The following EXOSC3 variants were observed in gnomAD, a reference collection of about 807,000 sequenced individuals.
EXOSC3 encodes the protein exosome complex component RRP40.
A neutral mutation model predicts 25.1 loss-of-function variants in EXOSC3; 18 were observed. That is an observed-to-expected ratio of 0.72 (90% CI 0.50 to 1.06). The LOEUF (loss-of-function observed/expected upper bound fraction) is 1.06. EXOSC3 is among the 50% of genes least tolerant of loss of function. EXOSC3 has a pLI of 0.00. For missense variants in EXOSC3, 382 were observed against 350.9 expected (o/e 1.09, Z -0.71); for synonymous variants, 165 against 132.2 (o/e 1.25, Z -1.70).
At chr9:37,783,838 A>C in intron 2 of EXOSC3, 76 bp downstream of exon 2, 1 of 1,493,974 alleles carries the variant, frequency 6.7e-7, no homozygotes, top group Non-Finnish European at 9.0e-7. Context: ...GAGACAATTC[A>C]GATAGCCTTC....
At position 37,785,015 on chromosome 9, in the gene EXOSC3, T is replaced by G. The variant is rs1268653989; in HGVS notation, c.30A>C (p.Glu10Asp). Residue 10 changes from glutamate to aspartate, a missense_variant, in exon 1 of 4, where the codon GAA becomes GAC. Physicochemically the swap from Glu to Asp is conservative, Grantham distance 45. Coordinates refer to ENST00000327304, the MANE Select transcript of EXOSC3 (RefSeq NM_016042.4). MAEPASVAA[E>D]SLAGSRARAA... is the part of the protein sequence containing the mutation. ...CGCGCGCCCTGCTGCCCGCGAGAGATTCAGCCGCGACAGACGCAGGTTCGG... is the reference window on the plus strand; with the variant it reads ...CGCGCGCCCTGCTGCCCGCGAGAGAGTCAGCCGCGACAGACGCAGGTTCGG... 4.4e-6 allele frequency: 7 copies of G among 1,602,088 alleles called. No individual in the cohort carries two copies. Among genetic ancestry groups the G allele is most frequent in the Non-Finnish European group, 1.7e-6 (2 of 1,172,486 alleles).
intron 2 of EXOSC3, 84 bp downstream of exon 2, chr9:37,783,830 G>A (rs1589060746): frequency 2.1e-6 from 3 of 1,453,580 alleles, no homozygotes; most frequent in East Asian, 2.4e-5. Context: ...ATGCTTTGGA[G>A]ACAATTCAGA....
At chr9:37,781,793 C>T (rs1828602293) in intron 3 of EXOSC3, 193 bp downstream of exon 3, 1 of 620,568 alleles carries the variant, frequency 1.6e-6, no homozygotes, top group African/African-American at 1.9e-5. Flanking sequence ...CAGCCAAACA[C>T]ATCTGAATTT....
chr9:37,783,582 C>T (rs1828639312), intron 2 of EXOSC3, among the ~76,000 whole-genome samples: 1 of 152,152 alleles, frequency 6.6e-6, no homozygotes, highest in African/African-American at 2.4e-5. Context: ...CCTGTCCCTC[C>T]TCTAAGCCTA....
chr9:37,784,077 CAG>C lies in EXOSC3; in HGVS notation c.325-16_325-15del, dbSNP rs1564015122. 3.8e-6 allele frequency: 6 copies of C among 1,595,812 alleles called. No homozygotes were observed. Among genetic ancestry groups the C allele is most frequent in the Admixed American group, 3.5e-5 (2 of 56,522 alleles). ...TACTGGAACATACTACAAAAAGAAACAGAATGAAAAAACAGCCATAAATGACA... is the reference window on the plus strand; with the variant it reads ...TACTGGAACATACTACAAAAAGAAACAATGAAAAAACAGCCATAAATGACA... On this transcript the variant is annotated splice_polypyrimidine_tract_variant and intron_variant, in intron 1 of 3. Transcript: ENST00000327304.
In EXOSC3 at chr9:37,783,983, C is replaced by A. The variant is rs1828647334; in HGVS notation, c.405G>T (p.Gly135=). The change falls in exon 2 of 4, where the codon GGG becomes GGT. Residue 135 remains glycine (G), a synonymous_variant. Transcript: ENST00000327304. ...AGTAAGACAAAGAAGCTGGCTCACT[C>A]CCTCCAACATCAACTTTGAATATAT... is the stretch of plus-strand genomic sequence containing the variant. ...SGDIFKVDVG[G]SEPASLSYLS... The A allele has an allele frequency of 9.9e-6, 16 of 1,613,898 alleles. No individual in the cohort carries two copies. The highest frequency in any genetic ancestry group is 1.3e-5 in the African/African-American group (1 of 74,930).
intron 2 of EXOSC3, 42 bp from the exon 3 acceptor site, chr9:37,782,179 C>T: frequency 6.2e-7 from 1 of 1,604,632 alleles, no homozygotes; most frequent in Non-Finnish European, 8.5e-7. Flanking sequence ...TCTCAGCAAA[C>T]TACAGGTGCT....
rs913236797 is a variant in EXOSC3 at position 37,780,125 on chromosome 9, G to A, written c.*554C>T. ...GCTATAATAACTATAATTTCAATTTGATGAATATAGAGAATGTAGGCCAAG... is the reference window on the plus strand; with the variant it reads ...GCTATAATAACTATAATTTCAATTTAATGAATATAGAGAATGTAGGCCAAG... On this transcript the variant is annotated 3_prime_UTR_variant, in exon 4 of 4. Transcript: ENST00000327304. The A allele has an allele frequency of 3.3e-5, 5 of 152,580 alleles. No homozygotes were observed. Among genetic ancestry groups the A allele is most frequent in the Admixed American group, 2.0e-4 (3 of 15,308 alleles). The allele number at this position is 152,580 out of a possible 1,614,324, so 9.5% of individuals were successfully genotyped here.
intron 2 of EXOSC3, among the ~76,000 whole-genome samples, chr9:37,783,612 G>C (rs1185846881): frequency 1.3e-5 from 2 of 152,142 alleles, no homozygotes; most frequent in Non-Finnish European, 2.9e-5. Flanking sequence ...TCCTTGTCCA[G>C]AGGATATGGA....
Position 37,785,064 on chromosome 9 carries a change from C to T in EXOSC3, c.-20G>A, listed in dbSNP as rs980351214. 3 of 1,577,402 alleles carry T rather than the reference C, an allele frequency of 1.9e-6. No homozygotes were observed. Among genetic ancestry groups the T allele is most frequent in the Non-Finnish European group, 1.7e-6 (2 of 1,160,446 alleles). ...GGCCATCGCGGGCTCCACCAAACAC[C>T]GTTTCCGGTACCCGCCTTCCGCTTC... is the stretch of plus-strand genomic sequence containing the variant. On this transcript the variant is annotated 5_prime_UTR_variant, in exon 1 of 4. Coordinates refer to ENST00000327304, the MANE Select transcript of EXOSC3 (RefSeq NM_016042.4).
At chr9:37,784,207 C>G (rs778399302) in intron 1 of EXOSC3, 144 bp from the exon 2 acceptor site, 5 of 892,008 alleles carry the variant, frequency 5.6e-6, no homozygotes, top group Non-Finnish European at 8.2e-6. Flanking sequence ...AAAATCACTT[C>G]ATAAAGTGCC....
Position 37,780,436 on chromosome 9 carries a change from C to T in EXOSC3, c.*243G>A, listed in dbSNP as rs2118974729. ...CTGTAGCAATTACTAAGGGAGTTAACTCCAAATAAACCCTAATACTGTTTT... is the reference window on the plus strand; with the variant it reads ...CTGTAGCAATTACTAAGGGAGTTAATTCCAAATAAACCCTAATACTGTTTT... On this transcript the variant is annotated 3_prime_UTR_variant, in exon 4 of 4. Transcript: ENST00000327304. The T allele has an allele frequency of 2.4e-6, 1 of 421,926 alleles. No homozygotes were observed. The highest frequency in any genetic ancestry group is 2.0e-5 in the African/African-American group (1 of 49,038). The allele number at this position is 421,926 out of a possible 1,614,324, so 26.1% of individuals were successfully genotyped here. A position where few individuals can be genotyped will look rare whatever the true frequency, so the allele number is the denominator to read the frequency against.
At chr9:37,782,928 G>A (rs10973541) in intron 2 of EXOSC3, among the ~76,000 whole-genome samples, 82,047 of 152,014 alleles carry the variant, frequency 0.54, 22,223 homozygotes, top group African/African-American at 0.6. Context: ...GAGAAAAGTG[G>A]CAACTAGAGA....
At chr9:37,782,875 CCTCAGTCAAGG>C (rs1400239454) in intron 2 of EXOSC3, among the ~76,000 whole-genome samples, 1 of 152,180 alleles carries the variant, frequency 6.6e-6, no homozygotes, top group African/African-American at 2.4e-5. Flanking sequence ...TATAAACAAA[CCTCAGTCAAGG>C]CTCAATCCAG....
At position 37,780,626 on chromosome 9, in the gene EXOSC3, G is replaced by A; in HGVS notation, c.*53C>T. The A allele has an allele frequency of 6.8e-7, 1 of 1,469,704 alleles. No homozygotes were observed. Among genetic ancestry groups the A allele is most frequent in the Non-Finnish European group, 9.5e-7 (1 of 1,055,572 alleles). 91.0% of individuals were successfully genotyped at this position (1,469,704 alleles called of 1,614,324 possible). ...GTATTTAAATGGGGGAGGTTCACCTGAAAAAACCCATAGTTTTTTGCCTCA... is the reference window on the plus strand; with the variant it reads ...GTATTTAAATGGGGGAGGTTCACCTAAAAAAACCCATAGTTTTTTGCCTCA... On this transcript the variant is annotated 3_prime_UTR_variant, in exon 4 of 4. Coordinates refer to ENST00000327304, the MANE Select transcript of EXOSC3 (RefSeq NM_016042.4).
chr9:37,784,942 G>A lies in EXOSC3; in HGVS notation c.103C>T (p.Leu35Phe). 1.2e-6 allele frequency: 2 copies of A among 1,612,134 alleles called. No homozygotes were observed. The highest frequency in any genetic ancestry group is 1.1e-5 in the South Asian group (1 of 90,694). ...GQVVLPGEEL[L>F]LPEQEDAEGP... is the part of the protein sequence containing the mutation. ...TCCGCGTCCTCCTGTTCCGGCAGGAGCAGCTCCTCACCCGGGAGCACCACC... is the reference window on the plus strand; with the variant it reads ...TCCGCGTCCTCCTGTTCCGGCAGGAACAGCTCCTCACCCGGGAGCACCACC... Residue 35 changes from leucine to phenylalanine, a missense_variant, in exon 1 of 4, where the codon CTC becomes TTC. Transcript: ENST00000327304.
At chr9:37,782,161 T>C in intron 2 of EXOSC3, 24 bp from the exon 3 acceptor site, 1 of 1,612,412 alleles carries the variant, frequency 6.2e-7, no homozygotes, top group South Asian at 1.1e-5. Context: ...AAAAACCAGT[T>C]CATTTCCTCT....
intron 2 of EXOSC3, among the ~76,000 whole-genome samples, chr9:37,782,863 C>A (rs1191727605): frequency 6.6e-6 from 1 of 152,100 alleles, no homozygotes; most frequent in East Asian, 1.9e-4. Context: ...TGGGGAGGTA[C>A]ATATAAACAA....
At chr9:37,782,589 T>C (rs1452686348) in intron 2 of EXOSC3, among the ~76,000 whole-genome samples, 1 of 152,198 alleles carries the variant, frequency 6.6e-6, no homozygotes, top group Non-Finnish European at 1.5e-5. Context: ...AATTACAGAT[T>C]TACAGAGAAA....
Sources: gnomAD v4.1 joint callset for allele counts (sites outside exome capture counted in the v4.1 genomes callset) on GRCh38, gnomAD v4.1.1 for gene constraint, MANE v1.5 for transcripts, NCBI Gene and HGNC (gene_info 2026-07-23, HGNC 2026-07-21) for gene names.